Variants in MIS18A observed in about 807,000 individuals in gnomAD.
The protein encoded by MIS18A is MIS18 kinetochore protein A.
MIS18A carries 14 observed loss-of-function variants against 25.0 expected under a neutral mutation model. The observed-to-expected ratio is 0.56, with a 90% CI of 0.37 to 0.88. MIS18A has a LOEUF of 0.88. MIS18A is among the 40% of genes least tolerant of loss of function. The pLI is 0.00. For synonymous variants in MIS18A, 134 were observed against 118.6 expected (o/e 1.13, Z -0.84); for missense variants, 292 against 290.8 (o/e 1.00, Z -0.03).
intron 2 of MIS18A, among the ~76,000 whole-genome samples, chr21:32,274,131 T>C (rs16989215): frequency 0.017 from 2,550 of 152,026 alleles, 56 homozygotes; most frequent in African/African-American, 0.057. Flanking sequence ...ATGAGAAAGT[T>C]GGGCAGCATT....
the MIS18A span, among the ~76,000 whole-genome samples, chr21:32,238,524 C>T: frequency 9.2e-5 from 14 of 152,220 alleles, no homozygotes; most frequent in Non-Finnish European, 1.9e-4. Flanking sequence ...CATGACCCCA[C>T]CCTGCTGTAA....
At chr21:32,269,396 AC>A (rs2031671646) in intron 4 of MIS18A, among the ~76,000 whole-genome samples, 2 of 152,238 alleles carry the variant, frequency 1.3e-5, no homozygotes, top group South Asian at 4.1e-4. Flanking sequence ...ACATCCAACA[AC>A]AAGGCTATTT....
chr21:32,164,171 T>C, the MIS18A span, among the ~76,000 whole-genome samples: 1 of 152,090 alleles, frequency 6.6e-6, no homozygotes, highest in Non-Finnish European at 1.5e-5. Flanking sequence ...GATTTTAACA[T>C]AAGACTTGGT....
chr21:32,278,816 C>G lies in MIS18A; in HGVS notation c.199G>C (p.Ala67Pro). The change falls in exon 1 of 5, where the codon GCG becomes CCG. Residue 67 changes from alanine to proline, a missense_variant. Coordinates refer to ENST00000290130, the MANE Select transcript of MIS18A (RefSeq NM_018944.3). ...GCCGCCGCCTCCTCCTCCAGCTGCG[C>G]CCTCTCCATGTCGGCCACCGACGCG... ...EDASVADMER[A>P]QLEEEAAAAE... The G allele has an allele frequency of 6.3e-7, 1 of 1,598,510 alleles. No individual in the cohort carries two copies. The highest frequency in any genetic ancestry group is 8.5e-7 in the Non-Finnish European group (1 of 1,174,592).
the MIS18A span, among the ~76,000 whole-genome samples, chr21:32,238,684 T>C: frequency 1.3e-5 from 2 of 152,172 alleles, no homozygotes; most frequent in African/African-American, 4.8e-5. Flanking sequence ...GTGTGGTCCA[T>C]GTCACTCCTC....
At chr21:32,193,720 CT>C in the MIS18A span, among the ~76,000 whole-genome samples, 93 of 145,064 alleles carry the variant, frequency 6.4e-4, no homozygotes, top group Non-Finnish European at 6.4e-4. Flanking sequence ...TAAACTATTT[CT>C]TTTTTTTTTT....
At chr21:32,248,877 T>C in the MIS18A span, among the ~76,000 whole-genome samples, 12 of 152,336 alleles carry the variant, frequency 7.9e-5, no homozygotes, top group Non-Finnish European at 1.3e-4. Flanking sequence ...CACCCTTTGT[T>C]AGGAACAGTA....
chr21:32,165,777 C>T, the MIS18A span, among the ~76,000 whole-genome samples: 37 of 152,194 alleles, frequency 2.4e-4, no homozygotes, highest in African/African-American at 8.7e-4. Flanking sequence ...AAAGGAGATG[C>T]TAAGAGGTGA....
the MIS18A span, among the ~76,000 whole-genome samples, chr21:32,233,780 G>T: frequency 6.6e-6 from 1 of 152,168 alleles, no homozygotes; most frequent in Middle Eastern, 3.2e-3. Context: ...CCATGGACTT[G>T]TTCTGCTCCC....
chr21:32,226,696 C>G, the MIS18A span, among the ~76,000 whole-genome samples: 1 of 152,220 alleles, frequency 6.6e-6, no homozygotes, highest in South Asian at 2.1e-4. Context: ...TAGAGAAAAA[C>G]TAGACAGAAG....
chr21:32,210,897 C>T, the MIS18A span, among the ~76,000 whole-genome samples: 1 of 152,140 alleles, frequency 6.6e-6, no homozygotes, highest in Non-Finnish European at 1.5e-5. Flanking sequence ...TCCTACTCAG[C>T]CCATTTTCTT....
the MIS18A span, among the ~76,000 whole-genome samples, chr21:32,193,487 GA>G: frequency 2.9e-5 from 3 of 104,796 alleles, no homozygotes; most frequent in South Asian, 3.0e-4. Flanking sequence ...TAGGTAGATA[GA>G]TAGATAGATA....
At chr21:32,168,524 A>G in the MIS18A span, among the ~76,000 whole-genome samples, 2 of 152,230 alleles carry the variant, frequency 1.3e-5, no homozygotes, top group African/African-American at 4.8e-5. Context: ...ACTAAATTTT[A>G]TATTGACTAG....
the MIS18A span, among the ~76,000 whole-genome samples, chr21:32,175,557 C>T: frequency 7.3e-5 from 11 of 150,864 alleles, no homozygotes; most frequent in Admixed American, 6.6e-4. Context: ...CTCCTGTAAT[C>T]CCAGCACTTT....
the MIS18A span, among the ~76,000 whole-genome samples, chr21:32,255,757 G>A: frequency 2.6e-4 from 39 of 151,846 alleles, 1 homozygote; most frequent in South Asian, 2.1e-3. Flanking sequence ...CAGGCGTGGC[G>A]GTGTGCGCCT....
chr21:32,265,428 G>C (rs1028077428), downstream of MIS18A, among the ~76,000 whole-genome samples: 1 of 152,236 alleles, frequency 6.6e-6, no homozygotes, highest in Middle Eastern at 3.2e-3. Context: ...ACTTGGAGCA[G>C]CCAGCCAGCC....
At chr21:32,159,013 C>T in the MIS18A span, among the ~76,000 whole-genome samples, 1 of 152,092 alleles carries the variant, frequency 6.6e-6, no homozygotes, top group South Asian at 2.1e-4. Context: ...AAAATACCTC[C>T]TTATATCTTT....
chr21:32,179,679 T>C, the MIS18A span, among the ~76,000 whole-genome samples: 45 of 152,344 alleles, frequency 3.0e-4, no homozygotes, highest in African/African-American at 1.1e-3. Context: ...CAGACATCAA[T>C]ATCACCAATT....
the MIS18A span, among the ~76,000 whole-genome samples, chr21:32,248,005 C>G: frequency 4.0e-3 from 609 of 152,248 alleles, 4 homozygotes; most frequent in Non-Finnish European, 6.6e-3. Context: ...GCACAGAGAT[C>G]GCTGCATGGA....
Sources: gnomAD v4.1 joint callset for allele counts (sites outside exome capture counted in the v4.1 genomes callset) on GRCh38, gnomAD v4.1.1 for gene constraint, MANE v1.5 for transcripts, NCBI Gene and HGNC (gene_info 2026-07-23, HGNC 2026-07-21) for gene names.